Variants in ENTREP2 observed in about 807,000 individuals in gnomAD.
ENTREP2 encodes endosomal transmembrane epsin interactor 2.
chr15:29,567,809 A>T, the ENTREP2 span, among the ~76,000 whole-genome samples: 1 of 152,216 alleles, frequency 6.6e-6, no homozygotes, highest in Non-Finnish European at 1.5e-5. Flanking sequence ...TTGTTTCTAC[A>T]ATGGGTTTTC....
the ENTREP2 span, among the ~76,000 whole-genome samples, chr15:29,638,550 T>A: frequency 6.6e-6 from 1 of 152,194 alleles, no homozygotes; most frequent in South Asian, 2.1e-4. Context: ...TAAAAAGTTT[T>A]AGTGAGAATA....
At chr15:29,470,674 C>T in the ENTREP2 span, among the ~76,000 whole-genome samples, 4 of 152,156 alleles carry the variant, frequency 2.6e-5, no homozygotes, top group Non-Finnish European at 4.4e-5. Flanking sequence ...TGTGACTCTT[C>T]CACAGCATCC....
the ENTREP2 span, among the ~76,000 whole-genome samples, chr15:29,331,881 T>C: frequency 2.0e-5 from 3 of 152,196 alleles, no homozygotes; most frequent in African/African-American, 4.8e-5. Flanking sequence ...GCAGCACTGA[T>C]TCACCAGTGC....
the ENTREP2 span, among the ~76,000 whole-genome samples, chr15:29,378,144 G>C: frequency 1.6e-3 from 250 of 151,718 alleles, 1 homozygote; most frequent in African/African-American, 5.7e-3. Context: ...CATTACTTAA[G>C]GTGTGGAAGC....
At chr15:29,514,027 G>A in the ENTREP2 span, among the ~76,000 whole-genome samples, 3 of 152,202 alleles carry the variant, frequency 2.0e-5, no homozygotes, top group Admixed American at 6.5e-5. Context: ...AGCCCAGATA[G>A]GGGGAGCAGG....
At chr15:29,325,954 A>G in the ENTREP2 span, among the ~76,000 whole-genome samples, 3 of 152,202 alleles carry the variant, frequency 2.0e-5, no homozygotes, top group African/African-American at 7.2e-5. Flanking sequence ...CAGTCAATGC[A>G]ATATACCACA....
the ENTREP2 span, among the ~76,000 whole-genome samples, chr15:29,500,685 CCT>C: frequency 1.3e-5 from 2 of 151,936 alleles, no homozygotes; most frequent in African/African-American, 4.8e-5. Context: ...AATAATCTAA[CCT>C]TCCACCATAA....
At chr15:29,627,611 A>T in the ENTREP2 span, among the ~76,000 whole-genome samples, 1 of 151,326 alleles carries the variant, frequency 6.6e-6, no homozygotes, top group Non-Finnish European at 1.5e-5. Flanking sequence ...TCATTATCTC[A>T]AACTGAAACT....
the ENTREP2 span, among the ~76,000 whole-genome samples, chr15:29,215,837 T>C: frequency 6.6e-6 from 1 of 152,166 alleles, no homozygotes; most frequent in Non-Finnish European, 1.5e-5. Context: ...TGAGTTCTGA[T>C]GCTCCTGAAG....
At chr15:29,179,419 G>C in the ENTREP2 span, among the ~76,000 whole-genome samples, 347 of 152,322 alleles carry the variant, frequency 2.3e-3, 4 homozygotes, top group Middle Eastern at 0.014. Context: ...AGAGGAAAGA[G>C]CCATTCCATG....
the ENTREP2 span, among the ~76,000 whole-genome samples, chr15:29,557,394 C>T: frequency 4.6e-5 from 7 of 152,170 alleles, no homozygotes; most frequent in African/African-American, 9.7e-5. Context: ...TTCCCAGGGA[C>T]GAGCTCCACA....
chr15:29,411,003 C>A, the ENTREP2 span, among the ~76,000 whole-genome samples: 1 of 152,116 alleles, frequency 6.6e-6, no homozygotes, highest in Non-Finnish European at 1.5e-5. Context: ...TCAGGCTGGT[C>A]TCGAATTCCT....
At chr15:29,521,807 T>C in the ENTREP2 span, among the ~76,000 whole-genome samples, 3,944 of 152,250 alleles carry the variant, frequency 0.026, 151 homozygotes, top group African/African-American at 0.088. Context: ...GAATATAAAA[T>C]ATTTCCTCTG....
chr15:29,273,531 T>C, the ENTREP2 span, among the ~76,000 whole-genome samples: 1 of 152,106 alleles, frequency 6.6e-6, no homozygotes, highest in African/African-American at 2.4e-5. Context: ...CGTGTGATGA[T>C]TAATGTGGAG....
the ENTREP2 span, among the ~76,000 whole-genome samples, chr15:29,217,296 C>T: frequency 6.6e-6 from 1 of 152,124 alleles, no homozygotes; most frequent in Non-Finnish European, 1.5e-5. Context: ...AAGATAGAAT[C>T]TGTCTGGTTC....
chr15:29,654,574 C>A, the ENTREP2 span, among the ~76,000 whole-genome samples: 6,929 of 152,240 alleles, frequency 0.046, 183 homozygotes, highest in South Asian at 0.065. Flanking sequence ...ACCCATCCTA[C>A]GCTCTCAATG....
At chr15:29,536,909 G>C in the ENTREP2 span, among the ~76,000 whole-genome samples, 2 of 152,092 alleles carry the variant, frequency 1.3e-5, no homozygotes, top group Non-Finnish European at 2.9e-5. Flanking sequence ...CCAGGAGAAA[G>C]GGGAGGAAGG....
chr15:29,588,811 AC>A, the ENTREP2 span, among the ~76,000 whole-genome samples: 2 of 151,620 alleles, frequency 1.3e-5, no homozygotes, highest in Non-Finnish European at 2.9e-5. Flanking sequence ...ACATAATGAA[AC>A]CCTGTCTCTA....
the ENTREP2 span, among the ~76,000 whole-genome samples, chr15:29,393,638 C>T: frequency 6.6e-6 from 1 of 152,118 alleles, no homozygotes; most frequent in Non-Finnish European, 1.5e-5. Context: ...TTCAAAGTGC[C>T]TACTCAGCCA....
Sources: allele counts gnomAD v4.1 joint callset (sites outside exome capture counted in the v4.1 genomes callset), GRCh38; gene constraint gnomAD v4.1.1; transcripts MANE v1.5; gene names NCBI Gene and HGNC (gene_info 2026-07-23, HGNC 2026-07-21).